The following SUPT3H variants were observed in gnomAD, a reference collection of about 807,000 sequenced individuals.
SUPT3H encodes the protein SPT3 homolog, SAGA and STAGA complex component, also known as transcription initiation protein SPT3 homolog.
Under a neutral mutation model 44.3 loss-of-function variants are expected in SUPT3H, and 44 were observed. The ratio of observed to expected loss-of-function variants is 0.99; its 90% CI spans 0.78 to 1.28. The LOEUF (loss-of-function observed/expected upper bound fraction) is 1.28, where lower values mean the gene tolerates loss of function less well. Ranked by LOEUF, SUPT3H falls within the 50% of genes most tolerant of loss-of-function variation. SUPT3H has a pLI of 0.00. For missense variants in SUPT3H, 380 were observed against 387.1 expected (o/e 0.98, Z 0.15); for synonymous variants, 124 against 125.6 (o/e 0.99, Z 0.09).
chr6:45,160,259 A>G (rs1028479766), intron 2 of SUPT3H, among the ~76,000 whole-genome samples: 2 of 152,200 alleles, frequency 1.3e-5, no homozygotes, highest in Non-Finnish European at 2.9e-5. Flanking sequence ...AGGTCTTCAA[A>G]CAAGGCAGTT....
rs562062093 is a variant in SUPT3H at position 44,911,689 on chromosome 6, A to G, written c.912+20964T>C. ...ATCCATATAGTTGCCAATATAAGGA[A>G]TGACTATTACAGTTCATGCACTTTA... On this transcript the variant is annotated intron_variant, in intron 10 of 10. Transcript: ENST00000371459. Among the ~76,000 whole-genome samples the G allele has an allele frequency of 1.3e-3, 200 of 152,336 alleles. 2 individuals are homozygous for G. The highest frequency in any genetic ancestry group is 4.5e-3 in the African/African-American group (186 of 41,584).
chr6:44,961,079 C>T (rs1176427599), intron 7 of SUPT3H, among the ~76,000 whole-genome samples: 1 of 151,862 alleles, frequency 6.6e-6, no homozygotes, highest in African/African-American at 2.4e-5. Context: ...TGACCTTTAC[C>T]CCGAGAGCCT....
intron 2 of SUPT3H, among the ~76,000 whole-genome samples, chr6:45,318,727 C>G (rs1253035508): frequency 6.6e-6 from 1 of 151,886 alleles, no homozygotes; most frequent in Non-Finnish European, 1.5e-5. Context: ...CAAAAATATG[C>G]CATCTTTAGG....
At chr6:44,904,569 A>G (rs1446480952) in intron 10 of SUPT3H, among the ~76,000 whole-genome samples, 1 of 152,240 alleles carries the variant, frequency 6.6e-6, no homozygotes, top group East Asian at 1.9e-4. Flanking sequence ...AGGAAGAATC[A>G]ATATCATGAA....
intron 2 of SUPT3H, among the ~76,000 whole-genome samples, chr6:45,143,211 C>G (rs1805529332): frequency 6.6e-6 from 1 of 151,898 alleles, no homozygotes; most frequent in African/African-American, 2.4e-5. Flanking sequence ...ATGGAACCAA[C>G]ATATTTACAG....
At chr6:44,946,258 G>T (rs1050780402) in intron 9 of SUPT3H, among the ~76,000 whole-genome samples, 1 of 152,180 alleles carries the variant, frequency 6.6e-6, no homozygotes, top group Admixed American at 6.5e-5. Context: ...GATGAACACT[G>T]TCTTCACAAT....
chr6:44,928,686 G>C (rs1363515167), intron 10 of SUPT3H, among the ~76,000 whole-genome samples: 3 of 151,512 alleles, frequency 2.0e-5, no homozygotes, highest in Admixed American at 1.3e-4. Flanking sequence ...ACGAGGTCAG[G>C]AGATCGAGAC....
chr6:45,032,207 G>A (rs1005430610), intron 3 of SUPT3H, among the ~76,000 whole-genome samples: 3 of 152,026 alleles, frequency 2.0e-5, no homozygotes, highest in African/African-American at 7.2e-5. Flanking sequence ...ACCAATACAT[G>A]TTGTATACAG....
At chr6:45,364,207 A>G (rs1022323495) in intron 2 of SUPT3H, among the ~76,000 whole-genome samples, 2 of 152,156 alleles carry the variant, frequency 1.3e-5, no homozygotes, top group Non-Finnish European at 2.9e-5. Flanking sequence ...TTCAATGATT[A>G]AAAGTATAAA....
chr6:45,312,286 A>G (rs949773126), intron 2 of SUPT3H, among the ~76,000 whole-genome samples: 2 of 152,172 alleles, frequency 1.3e-5, no homozygotes, highest in Admixed American at 6.5e-5. Context: ...AGGTGTGCAG[A>G]TCACGAGGTC....
chr6:45,018,534 T>A (rs1014510133), intron 4 of SUPT3H, among the ~76,000 whole-genome samples: 1 of 152,174 alleles, frequency 6.6e-6, no homozygotes, highest in Non-Finnish European at 1.5e-5. Flanking sequence ...AATACCTAAT[T>A]TATTGAGCGT....
At chr6:45,354,428 A>G (rs1792705315) in intron 2 of SUPT3H, among the ~76,000 whole-genome samples, 1 of 152,130 alleles carries the variant, frequency 6.6e-6, no homozygotes, top group Admixed American at 6.5e-5. Flanking sequence ...ACACACCCCA[A>G]AGTGTATGCC....
At chr6:44,962,519 G>T (rs926295636) in intron 6 of SUPT3H, among the ~76,000 whole-genome samples, 1 of 151,780 alleles carries the variant, frequency 6.6e-6, no homozygotes, top group African/African-American at 2.4e-5. Context: ...AAATGAGACA[G>T]GCTGGTACTT....
intron 3 of SUPT3H, among the ~76,000 whole-genome samples, chr6:45,089,679 T>C (rs1035331556): frequency 8.5e-5 from 2 of 23,564 alleles, no homozygotes; most frequent in Non-Finnish European, 1.5e-4. Flanking sequence ...ATATTGCAGC[T>C]CTACATTTTT....
At chr6:45,268,466 GA>G (rs1397938054) in intron 2 of SUPT3H, among the ~76,000 whole-genome samples, 4 of 152,206 alleles carry the variant, frequency 2.6e-5, no homozygotes, top group African/African-American at 9.6e-5. Context: ...ATTTTTTAAT[GA>G]ACGATTCGGA....
intron 10 of SUPT3H, among the ~76,000 whole-genome samples, chr6:44,849,198 A>G (rs1029265698): frequency 2.0e-5 from 3 of 150,830 alleles, no homozygotes; most frequent in Admixed American, 2.0e-4. Flanking sequence ...ATAGCTGTAG[A>G]TATAAGCACT....
chr6:45,047,529 T>C (rs1789587428), intron 3 of SUPT3H, among the ~76,000 whole-genome samples: 1 of 152,118 alleles, frequency 6.6e-6, no homozygotes, highest in East Asian at 1.9e-4. Context: ...TACAAACAAC[T>C]ATTTTAAGGA....
At chr6:44,961,618 TTG>T in intron 7 of SUPT3H, 133 bp downstream of exon 7, 1 of 675,778 alleles carries the variant, frequency 1.5e-6, no homozygotes, top group Non-Finnish European at 2.6e-6. Context: ...AATGTAGACG[TTG>T]TTTGTATAGC....
chr6:44,939,264 G>T (rs886214140), intron 9 of SUPT3H, among the ~76,000 whole-genome samples: 6 of 152,052 alleles, frequency 3.9e-5, no homozygotes, highest in African/African-American at 1.4e-4. Context: ...TTTGTTAAGG[G>T]TTTTTATAAT....
Sources: allele counts gnomAD v4.1 joint callset (sites outside exome capture counted in the v4.1 genomes callset), GRCh38; gene constraint gnomAD v4.1.1; transcripts MANE v1.5; gene names NCBI Gene and HGNC (gene_info 2026-07-23, HGNC 2026-07-21).